C2: variants seen among roughly 807,000 people sequenced by gnomAD.
The protein encoded by C2 is C3/C5 convertase.
Under a neutral mutation model 85.2 loss-of-function variants are expected in C2, and 64 were observed. That is an observed-to-expected ratio of 0.75 (90% CI 0.61 to 0.92). The LOEUF is 0.92. C2 is among the 40% of genes least tolerant of loss of function. The pLI is 0.00. For missense variants in C2, 820 were observed against 971.6 expected, an observed-to-expected ratio of 0.84 and a Z score of 2.07; for synonymous variants, 311 against 370.8, an observed-to-expected ratio of 0.84 and a Z score of 1.85.
chr6:31,898,990 G>A (rs1432089881), upstream of C2, among the ~76,000 whole-genome samples: 1 of 151,858 alleles, frequency 6.6e-6, no homozygotes, highest in Non-Finnish European at 1.5e-5. Flanking sequence ...GTGACCTCTA[G>A]GTATTAAGAA....
At chr6:31,923,628 C>T (rs535847546), upstream of C2, among the ~76,000 whole-genome samples, 18 of 151,192 alleles carry the variant, frequency 1.2e-4, no homozygotes, top group Non-Finnish European at 2.5e-4. Context: ...GGACTACAGG[C>T]GCCGCCACCA....
At chr6:31,932,793 A>G (rs1265911) in intron 3 of C2, among the ~76,000 whole-genome samples, 11,052 of 152,168 alleles carry the variant, frequency 0.073, 443 homozygotes, top group African/African-American at 0.11. Flanking sequence ...GTAGCGAGCC[A>G]AGATCACGCC....
In C2 at chr6:31,945,439, C is replaced by T. The variant is rs747202032; in HGVS notation, c.*82C>T. The T allele has an allele frequency of 3.4e-4, 442 of 1,289,422 alleles. No individual in the cohort carries two copies. Among genetic ancestry groups the T allele is most frequent in the Non-Finnish European group, 4.5e-4 (406 of 894,120 alleles). The allele number at this position is 1,289,422 out of a possible 1,614,324, so 79.9% of individuals were successfully genotyped here. On this transcript the variant is annotated 3_prime_UTR_variant, in exon 18 of 18. Coordinates refer to ENST00000299367, the MANE Select transcript of C2 (RefSeq NM_000063.6). This position sits in a 1 kb window ranked among gnomAD's most constrained non-coding sequence, Gnocchi z 5.3. The stretch of plus-strand genomic sequence containing the variant: ...ACCTCTGAATGGCCACCCTTAGACC[C>T]TGTGATCCATCCTCTCTCCTAGCTG...
Position 31,904,928 on chromosome 6 carries a change from GA to G in C2, c.73+3790del, listed in dbSNP as rs374395291. ...TTACAACTCTGCGTAAAAACAAGCA[GA>G]GGTGCACAAACTCTTTTCCATGTAG... On this transcript the variant is annotated intron_variant, in intron 1 of 3. Transcript: ENST00000452202. The surrounding 1 kb of genome is among the most constrained non-coding windows in gnomAD (Gnocchi z 4.4). Among the ~76,000 whole-genome samples, 49 of 152,160 alleles carry G rather than the reference GA, an allele frequency of 3.2e-4. 2 individuals are homozygous for G. In the South Asian group the frequency reaches 9.8e-3, roughly 30 times the overall value.
At chr6:31,932,717 G>A (rs1429030204) in intron 3 of C2, among the ~76,000 whole-genome samples, 4 of 152,134 alleles carry the variant, frequency 2.6e-5, no homozygotes, top group South Asian at 2.1e-4. Flanking sequence ...ACGGGGTGGC[G>A]GCCGGGCAGA....
rs1768921335 is a variant in C2 at position 31,920,945 on chromosome 6, G to C, written c.-100+919G>C. On this transcript the variant is annotated intron_variant, in intron 1 of 3. Coordinates refer to the C2 transcript ENST00000413154. This position sits in a 1 kb window ranked among gnomAD's most constrained non-coding sequence, Gnocchi z 5.6. ...CTCTGAGGCCCAGGGCCCTGGAAGA[G>C]CCTGGGCATGGGGAGGAGCCCCATG... 6.6e-6 allele frequency among the ~76,000 whole-genome samples: 1 copy of C among 152,196 alleles called. No individual in the cohort carries two copies. Among genetic ancestry groups the C allele is most frequent in the Non-Finnish European group, 1.5e-5 (1 of 68,026 alleles).
chr6:31,933,457 A>C (rs1770092426), intron 3 of C2, among the ~76,000 whole-genome samples, 153 bp from the exon 4 acceptor site: 2 of 151,956 alleles, frequency 1.3e-5, no homozygotes, highest in Admixed American at 6.6e-5. Flanking sequence ...CCATCAGCTG[A>C]CTTCTTCCCT....
At chr6:31,942,164 A>G (rs1265905) in intron 9 of C2, among the ~76,000 whole-genome samples, 10,742 of 146,012 alleles carry the variant, frequency 0.074, 508 homozygotes, top group Non-Finnish European at 0.11. Flanking sequence ...CTTGTTGCCC[A>G]GGCTGGAGTG....
Position 31,943,711 on chromosome 6 carries a change from T to G in C2, c.1635T>G (p.Asp545Glu). ...IEKAVISPGF[D>E]VFAKKNQGIL... The stretch of plus-strand genomic sequence containing the variant: ...AGGCGGTGATCTCCCCAGGGTTTGA[T>G]GTCTTTGCCAAAAAGAACCAGGGAA... The change falls in exon 13 of 18, where the codon GAT becomes GAG. Residue 545 changes from aspartate to glutamate, a missense_variant. Physicochemically the swap from Asp to Glu is conservative, Grantham distance 45. Transcript: ENST00000299367. This position sits in a 1 kb window ranked among gnomAD's most constrained non-coding sequence, Gnocchi z 6.4. 1 of 1,613,094 alleles carries G rather than the reference T, an allele frequency of 6.2e-7. No individual in the cohort carries two copies.
At chr6:31,901,515 G>A (rs1464608067) in intron 1 of C2, among the ~76,000 whole-genome samples, 1 of 152,024 alleles carries the variant, frequency 6.6e-6, no homozygotes, top group East Asian at 1.9e-4. Flanking sequence ...GTTCTCGGGG[G>A]CGGGGCAGCG....
At chr6:31,922,941 C>A (rs138686101), upstream of C2, among the ~76,000 whole-genome samples, 1 of 152,098 alleles carries the variant, frequency 6.6e-6, no homozygotes, top group Admixed American at 6.5e-5. This position sits in a 1 kb window ranked among gnomAD's most constrained non-coding sequence, Gnocchi z 4.8. Context: ...GGAATTGTAC[C>A]CTTGGAAGCA....
chr6:31,933,849 G>T lies in C2; in HGVS notation c.617-18G>T. 1 of 1,613,712 alleles carries T rather than the reference G, an allele frequency of 6.2e-7. No homozygotes were observed. Among genetic ancestry groups the T allele is most frequent in the Non-Finnish European group, 8.5e-7 (1 of 1,179,816 alleles). ...CCGGCCACTGCCCCGGCTGACTCCT[G>T]TGTGGCTCTCCCCACAGAACCCTAC... On this transcript the variant is annotated intron_variant, in intron 4 of 17. Coordinates refer to ENST00000299367, the MANE Select transcript of C2 (RefSeq NM_000063.6).
intron 1 of C2, among the ~76,000 whole-genome samples, chr6:31,912,860 AAG>A (rs112027987): frequency 6.9e-6 from 1 of 145,330 alleles, no homozygotes; most frequent in African/African-American, 2.5e-5. Context: ...AAAAAAAAAA[AAG>A]AGATTGGTTA....
chr6:31,913,030 C>CAAAA (rs34465217), intron 1 of C2, among the ~76,000 whole-genome samples: 75 of 69,872 alleles, frequency 1.1e-3, no homozygotes, highest in African/African-American at 2.3e-3. Flanking sequence ...CCTGTTTCCA[C>CAAAA]AAAAAAAAAA....
intron 1 of C2, chr6:31,901,255 G>C: frequency 6.2e-7 from 1 of 1,612,746 alleles, no homozygotes; most frequent in Non-Finnish European, 8.5e-7. Flanking sequence ...GTAGCGTTGC[G>C]GCCTCGTGGC....
intron 1 of C2, among the ~76,000 whole-genome samples, chr6:31,909,003 T>C (rs1410229084): frequency 6.6e-6 from 1 of 151,992 alleles, no homozygotes; most frequent in African/African-American, 2.4e-5. Flanking sequence ...CCGTGTATAC[T>C]TCATTTGCTT....
chr6:31,937,267 A>G, intron 7 of C2, 52 bp from the exon 8 acceptor site: 1 of 1,566,306 alleles, frequency 6.4e-7, no homozygotes, highest in Non-Finnish European at 8.8e-7. Flanking sequence ...CCCTACCCCT[A>G]GGTGGTAGGT....
upstream of C2, among the ~76,000 whole-genome samples, chr6:31,922,719 G>A (rs1325046343): frequency 1.3e-5 from 2 of 152,198 alleles, no homozygotes; most frequent in African/African-American, 4.8e-5. The surrounding 1 kb of genome is among the most constrained non-coding windows in gnomAD (Gnocchi z 4.8). Flanking sequence ...GCACATGCCT[G>A]TAATCCCAGC....
chr6:31,933,163 C>T (rs1770067112), intron 3 of C2, among the ~76,000 whole-genome samples: 1 of 152,138 alleles, frequency 6.6e-6, no homozygotes, highest in Admixed American at 6.5e-5. Flanking sequence ...GCTCTAGGAA[C>T]ATTCTTGCAT....
Sources: allele counts gnomAD v4.1 joint callset (sites outside exome capture counted in the v4.1 genomes callset), GRCh38; gene constraint gnomAD v4.1.1; non-coding constraint Gnocchi (gnomAD v3.1); transcripts MANE v1.5; gene names NCBI Gene and HGNC (gene_info 2026-07-23, HGNC 2026-07-21).